Variants in GCNT4 observed in about 807,000 individuals in gnomAD.
The protein encoded by GCNT4 is glucosaminyl (N-acetyl) transferase 4.
GCNT4 carries 17 observed loss-of-function variants against 31.3 expected under a neutral mutation model. The ratio of observed to expected loss-of-function variants is 0.54; its 90% confidence interval spans 0.37 to 0.81. The LOEUF (loss-of-function observed/expected upper bound fraction) is 0.81, where lower values mean the gene tolerates loss of function less well. Among genes scored for constraint, GCNT4 ranks in the 40% least tolerant of loss-of-function variants. GCNT4 has a pLI of 0.00. For synonymous variants in GCNT4, 158 were observed against 190.6 expected, an observed-to-expected ratio of 0.83 and a Z score of 1.41; for missense variants, 503 against 525.5, an observed-to-expected ratio of 0.96 and a Z score of 0.42.
At chr5:75,020,191 T>A in the GCNT4 span, among the ~76,000 whole-genome samples, 1 of 152,160 alleles carries the variant, frequency 6.6e-6, no homozygotes, top group Non-Finnish European at 1.5e-5. Flanking sequence ...TTGTGTAAGT[T>A]CATACTTGGC....
intron 3 of GCNT4, among the ~76,000 whole-genome samples, chr5:75,032,877 GTGTGTGTGT>G (rs1561374239): frequency 5.9e-4 from 45 of 76,612 alleles, no homozygotes; most frequent in East Asian, 3.3e-3. Flanking sequence ...ATAGGGGTGT[GTGTGTGTGT>G]GTGTGTGTGT....
At chr5:75,030,119 A>C in intron 3 of GCNT4, 81 bp from the exon 4 acceptor site, 1 of 1,320,578 alleles carries the variant, frequency 7.6e-7, no homozygotes, top group Middle Eastern at 2.7e-4. Flanking sequence ...CTGGGCGCCT[A>C]CCACATACTA....
chr5:75,043,624 C>G (rs1227511828), intron 3 of GCNT4, among the ~76,000 whole-genome samples: 1 of 152,112 alleles, frequency 6.6e-6, no homozygotes, highest in Non-Finnish European at 1.5e-5. Flanking sequence ...CCATGAGGAA[C>G]AGACCAAGAG....
At chr5:75,053,532 C>T (rs1012770484), upstream of GCNT4, among the ~76,000 whole-genome samples, 1 of 152,134 alleles carries the variant, frequency 6.6e-6, no homozygotes, top group South Asian at 2.1e-4. Context: ...AGCGGGCCAG[C>T]CCCGAACGCG....
At chr5:75,039,072 GTTTT>G (rs1163813671) in intron 3 of GCNT4, among the ~76,000 whole-genome samples, 17 of 150,372 alleles carry the variant, frequency 1.1e-4, no homozygotes, top group African/African-American at 3.4e-4. Flanking sequence ...CTTATTCACT[GTTTT>G]TTTTTGTTTT....
chr5:75,037,002 A>G (rs1474036186), intron 3 of GCNT4, among the ~76,000 whole-genome samples: 1 of 152,228 alleles, frequency 6.6e-6, no homozygotes, highest in Non-Finnish European at 1.5e-5. Flanking sequence ...ACTTTGTATT[A>G]TTACATATCA....
chr5:75,037,766 T>C lies in GCNT4; in HGVS notation c.-1-7728A>G, dbSNP rs564335351. Among the ~76,000 whole-genome samples, 11 of 151,892 alleles carry C rather than the reference T, an allele frequency of 7.2e-5. No homozygotes were observed. The South Asian group carries it at 2.3e-3, about 32-fold the overall frequency. ...GGTGGCACACACCTGTAATCCCAGC[T>C]ACTTGGGAGGCCGAGGCAGGAGAAT... On this transcript the variant is annotated intron_variant, in intron 3 of 3. Coordinates refer to ENST00000652361, the MANE Select transcript of GCNT4 (RefSeq NM_001366737.1).
intron 3 of GCNT4, among the ~76,000 whole-genome samples, chr5:75,046,802 C>T (rs937081505): frequency 6.6e-6 from 1 of 152,198 alleles, no homozygotes; most frequent in East Asian, 1.9e-4. Flanking sequence ...CTCCAAAATA[C>T]GCCACTCTGA....
rs1280808943 is a variant in GCNT4, at chr5:75,028,982, A to G, written c.1056T>C (p.Ile352=). 4 of 1,613,936 alleles carry G rather than the reference A, an allele frequency of 2.5e-6. No individual in the cohort carries two copies. The African/African-American group carries it at 4.0e-5, about 16-fold the overall frequency. Residue 352 remains isoleucine (I), a synonymous_variant, in exon 4 of 4, where the codon ATT becomes ATC. Transcript: ENST00000652361. Reference sequence around the variant, plus strand: ...CAGACACATCCTGGGCTGATCTGGAAATCTCCCCAGGTATTCCTGGAACCC... The same window carrying G: ...CAGACACATCCTGGGCTGATCTGGAGATCTCCCCAGGTATTCCTGGAACCC... ...LIRVPGIPGE[I]SRSAQDVSDL...
At chr5:75,040,454 T>G (rs1235161014) in intron 3 of GCNT4, among the ~76,000 whole-genome samples, 1 of 152,184 alleles carries the variant, frequency 6.6e-6, no homozygotes, top group African/African-American at 2.4e-5. Context: ...TACGGGGTAG[T>G]TGCTCAATGG....
chr5:75,020,364 C>T (rs994076728), downstream of GCNT4, among the ~76,000 whole-genome samples: 1 of 152,048 alleles, frequency 6.6e-6, no homozygotes. Flanking sequence ...CCAGTTGCTT[C>T]GAAGGCAGAC....
At chr5:75,032,702 A>G (rs1363098386) in intron 3 of GCNT4, among the ~76,000 whole-genome samples, 1 of 152,164 alleles carries the variant, frequency 6.6e-6, no homozygotes, top group Non-Finnish European at 1.5e-5. Flanking sequence ...ACAGGGTCCC[A>G]TCACTCAGGC....
chr5:75,037,948 TAAAA>T (rs374826808), intron 3 of GCNT4, among the ~76,000 whole-genome samples: 4 of 134,256 alleles, frequency 3.0e-5, no homozygotes, highest in African/African-American at 5.3e-5. Context: ...CCACTTTCAT[TAAAA>T]AAAAAAAAAA....
chr5:75,038,988 T>C (rs1436218506), intron 3 of GCNT4, among the ~76,000 whole-genome samples: 2 of 152,194 alleles, frequency 1.3e-5, no homozygotes, highest in Non-Finnish European at 2.9e-5. Flanking sequence ...AAAGCCTTCA[T>C]GTTGCCAGAG....
rs1440708186 is a variant in GCNT4, at chr5:75,027,153, CAT to C, written c.*1521_*1522del. On this transcript the variant is annotated 3_prime_UTR_variant, in exon 4 of 4. Coordinates refer to ENST00000652361, the MANE Select transcript of GCNT4 (RefSeq NM_001366737.1). ...ACATATCATGACCAAGAAATTTTTA[CAT>C]GAGTTCTACAATTTCCCAAGAGACT... 1.3e-5 allele frequency: 2 copies of C among 150,528 alleles called. No homozygotes were observed. The highest frequency in any genetic ancestry group is 1.9e-4 in the East Asian group (1 of 5,168). The allele number at this position is 150,528 out of a possible 1,614,324, so 9.3% of individuals were successfully genotyped here. A position where few individuals can be genotyped will look rare whatever the true frequency, so the allele number is the denominator to read the frequency against.
intron 3 of GCNT4, among the ~76,000 whole-genome samples, chr5:75,031,726 A>G (rs1023599521): frequency 4.6e-5 from 7 of 152,178 alleles, no homozygotes; most frequent in Non-Finnish European, 1.0e-4. Context: ...AAATGATTAT[A>G]TTACTTTTTC....
At position 75,025,594 on chromosome 5, in the gene GCNT4, C is replaced by A. The variant is rs75258289; in HGVS notation, c.*3082G>T. ...ATAATAACATACATATGAATACATT[C>A]ACTTACACTCACAAAGTGGATTATC... On this transcript the variant is annotated 3_prime_UTR_variant, in exon 4 of 4. Coordinates refer to ENST00000652361, the MANE Select transcript of GCNT4 (RefSeq NM_001366737.1). The A allele has an allele frequency of 6.6e-6, 1 of 152,282 alleles. No homozygotes were observed. Among genetic ancestry groups the A allele is most frequent in the Non-Finnish European group, 1.5e-5 (1 of 68,018 alleles). 9.4% of individuals were successfully genotyped at this position (152,282 alleles called of 1,614,324 possible).
intron 3 of GCNT4, chr5:75,030,589 G>A (rs1743040031): frequency 6.0e-6 from 1 of 167,148 alleles, no homozygotes; most frequent in Non-Finnish European, 1.5e-5. Context: ...ATTAGAGACT[G>A]TAAAATGTAT....
At chr5:75,030,442 C>T (rs915236432) in intron 3 of GCNT4, 1 of 176,760 alleles carries the variant, frequency 5.7e-6, no homozygotes, top group African/African-American at 2.4e-5. Flanking sequence ...TCACCTAAGG[C>T]CAAAGGGAAC....
Sources: allele counts gnomAD v4.1 joint callset (sites outside exome capture counted in the v4.1 genomes callset), GRCh38; gene constraint gnomAD v4.1.1; transcripts MANE v1.5; gene names NCBI Gene and HGNC (gene_info 2026-07-23, HGNC 2026-07-21).